The following PUDP variants were observed in gnomAD, a reference collection of about 807,000 sequenced individuals.
PUDP encodes pseudouridine-5'-phosphatase.
PUDP carries 8 observed loss-of-function variants against 9.4 expected under a neutral mutation model. The observed-to-expected ratio is 0.85, with a 90% CI of 0.50 to 1.53. The LOEUF (loss-of-function observed/expected upper bound fraction) is 1.53. Among genes scored for constraint, PUDP ranks in the 40% most tolerant of loss-of-function variants. PUDP has a pLI of 0.00. For synonymous variants in PUDP, 99 were observed against 80.7 expected, an observed-to-expected ratio of 1.23 and a Z score of -1.22; for missense variants, 188 against 189.7, an observed-to-expected ratio of 0.99 and a Z score of 0.05.
At chrX:6,799,440 T>C (rs778608438) in intron 3 of PUDP, among the ~76,000 whole-genome samples, 21 of 112,317 alleles carry the variant, frequency 1.9e-4, no homozygotes, top group South Asian at 7.4e-4. Context: ...TGGAGGGCTT[T>C]AAAAAATTCT....
intron 3 of PUDP, among the ~76,000 whole-genome samples, chrX:6,812,196 C>T (rs147803204): frequency 0.01 from 1,123 of 111,952 alleles, 9 homozygotes; most frequent in Non-Finnish European, 0.018. Flanking sequence ...AGTCTCTCAT[C>T]CACCATCTTC....
intron 3 of PUDP, among the ~76,000 whole-genome samples, chrX:6,796,684 T>C (rs950308614): frequency 9.0e-5 from 10 of 111,495 alleles, no homozygotes; most frequent in Non-Finnish European, 1.5e-4. Context: ...TAATCTAAAA[T>C]ACAATAAGAG....
chrX:6,762,550 A>T (rs896538279), intron 3 of PUDP, among the ~76,000 whole-genome samples: 2 of 112,609 alleles, frequency 1.8e-5, no homozygotes, highest in Non-Finnish European at 3.7e-5. Context: ...GAGTGAGGAA[A>T]TGAGTGAAGG....
chrX:7,059,161 G>C (rs1209777761), intron 3 of PUDP, among the ~76,000 whole-genome samples: 1 of 111,371 alleles, frequency 9.0e-6, no homozygotes, highest in Admixed American at 9.5e-5. Flanking sequence ...GGGTGGGCAG[G>C]AAAGCTTCCT....
chrX:7,113,687 T>C (rs1218896376), intron 1 of PUDP, among the ~76,000 whole-genome samples: 1 of 112,328 alleles, frequency 8.9e-6, no homozygotes, highest in African/African-American at 3.2e-5. Context: ...TCAGTAATTG[T>C]TCAATTTATT....
intron 1 of PUDP, among the ~76,000 whole-genome samples, chrX:7,039,530 G>A (rs1000017707): frequency 8.3e-4 from 92 of 111,483 alleles, no homozygotes; most frequent in African/African-American, 2.6e-3. Context: ...ACAAGAAGAG[G>A]AGATGAGGAC....
chrX:6,722,163 G>C (rs895049150), upstream of PUDP, among the ~76,000 whole-genome samples: 1 of 110,810 alleles, frequency 9.0e-6, no homozygotes, highest in Non-Finnish European at 1.9e-5. Context: ...ATCTAAATTT[G>C]TGCTGGGCAT....
intron 1 of PUDP, among the ~76,000 whole-genome samples, chrX:7,142,969 AAAAG>A (rs1238971150): frequency 1.8e-5 from 2 of 111,035 alleles, no homozygotes; most frequent in East Asian, 2.8e-4. Context: ...ATTTTTTTGT[AAAAG>A]AAAGAATCAA....
At chrX:7,032,002 A>AT (rs1480617289) in intron 1 of PUDP, among the ~76,000 whole-genome samples, 19 of 112,272 alleles carry the variant, frequency 1.7e-4, no homozygotes. Context: ...TGTGTTCAGA[A>AT]TATGTAAAGG....
chrX:6,932,963 C>T (rs1329192311), intron 3 of PUDP, among the ~76,000 whole-genome samples: 9 of 109,699 alleles, frequency 8.2e-5, no homozygotes, highest in East Asian at 2.9e-4. Context: ...ACAAAGCAGC[C>T]GGGAAGCTCG....
chrX:6,785,853 T>C (rs1377647329), intron 3 of PUDP, among the ~76,000 whole-genome samples: 7 of 111,660 alleles, frequency 6.3e-5, no homozygotes. Context: ...TGGCAAGGCA[T>C]TGGTAGGGCC....
chrX:7,137,560 C>A (rs1932763438), intron 1 of PUDP, among the ~76,000 whole-genome samples: 1 of 111,532 alleles, frequency 9.0e-6, no homozygotes, highest in South Asian at 3.7e-4. Context: ...AACAAACACA[C>A]AAACAAACAA....
chrX:6,954,408 T>C (rs1452503607), intron 3 of PUDP, among the ~76,000 whole-genome samples: 1 of 110,954 alleles, frequency 9.0e-6, no homozygotes, highest in Admixed American at 9.6e-5. Flanking sequence ...TCCAGCATCC[T>C]GGCTGGAACC....
intron 3 of PUDP, among the ~76,000 whole-genome samples, chrX:6,928,817 G>C (rs1432502269): frequency 1.8e-5 from 2 of 111,215 alleles, no homozygotes; most frequent in African/African-American, 6.5e-5. Flanking sequence ...AGGATCTCTT[G>C]AGCCGGGGAG....
chrX:6,889,642 C>T (rs1455066584), intron 3 of PUDP, among the ~76,000 whole-genome samples: 1 of 109,853 alleles, frequency 9.1e-6, no homozygotes, highest in East Asian at 3.0e-4. Flanking sequence ...TTAATTATCC[C>T]TTTTTTTCCA....
intron 3 of PUDP, among the ~76,000 whole-genome samples, chrX:6,886,935 T>A (rs930126298): frequency 1.3e-4 from 14 of 109,047 alleles, no homozygotes; most frequent in African/African-American, 4.0e-4. Context: ...AGGATCTTAG[T>A]TTCTTAAAAG....
At chrX:7,092,503 T>C (rs1242671492) in intron 2 of PUDP, among the ~76,000 whole-genome samples, 1 of 112,019 alleles carries the variant, frequency 8.9e-6, no homozygotes, top group Non-Finnish European at 1.9e-5. Context: ...TAGAGCTTTG[T>C]TGTGAGGAGT....
At chrX:6,979,306 C>T in intron 1 of PUDP, among the ~76,000 whole-genome samples, 1 of 110,326 alleles carries the variant, frequency 9.1e-6, no homozygotes, top group Non-Finnish European at 1.9e-5. Flanking sequence ...ACTCTCTGTC[C>T]CCCACCACCT....
At chrX:7,076,683 A>G (rs1204632083) in intron 3 of PUDP, among the ~76,000 whole-genome samples, 1 of 112,080 alleles carries the variant, frequency 8.9e-6, no homozygotes, top group Non-Finnish European at 1.9e-5. Flanking sequence ...CACGGCATAC[A>G]AGCCCACCAG....
Sources: gnomAD v4.1 joint callset for allele counts (sites outside exome capture counted in the v4.1 genomes callset) on GRCh38, gnomAD v4.1.1 for gene constraint, MANE v1.5 for transcripts, NCBI Gene and HGNC (gene_info 2026-07-23, HGNC 2026-07-21) for gene names.